CRIM1: variants seen among roughly 807,000 people sequenced by gnomAD.
CRIM1 encodes cysteine-rich motor neuron 1 protein.
Under a neutral mutation model 116.4 loss-of-function variants are expected in CRIM1, and 32 were observed. The observed-to-expected ratio is 0.27, with a 90% confidence interval of 0.21 to 0.37. CRIM1 has a LOEUF of 0.37. CRIM1 is among the 10% of genes least tolerant of loss of function. CRIM1 has a pLI of 1.00. For missense variants in CRIM1, 1,331 were observed against 1,354.8 expected (o/e 0.98, Z 0.28); for synonymous variants, 590 against 509.2 (o/e 1.16, Z -2.13).
intron 2 of CRIM1, among the ~76,000 whole-genome samples, chr2:36,413,007 T>C (rs1673326000): frequency 6.6e-6 from 1 of 152,164 alleles, no homozygotes; most frequent in South Asian, 2.1e-4. Context: ...TTACAACACC[T>C]AGACACATTG....
intron 16 of CRIM1, among the ~76,000 whole-genome samples, chr2:36,547,928 T>C (rs758948656): frequency 8.5e-5 from 13 of 152,218 alleles, no homozygotes; most frequent in South Asian, 2.1e-4. Context: ...TGAACAATTA[T>C]GTAATGTAAT....
intron 1 of CRIM1, among the ~76,000 whole-genome samples, chr2:36,368,081 A>C (rs774337514): frequency 2.6e-5 from 4 of 152,202 alleles, no homozygotes; most frequent in Non-Finnish European, 5.9e-5. Context: ...GCAGCAGCCA[A>C]ATTCTCCACA....
At chr2:36,511,452 T>C (rs1182213852) in intron 9 of CRIM1, among the ~76,000 whole-genome samples, 5 of 152,208 alleles carry the variant, frequency 3.3e-5, no homozygotes, top group African/African-American at 1.2e-4. Flanking sequence ...AAGAATATGA[T>C]GTCAATAAGA....
At position 36,537,558 on chromosome 2, in the gene CRIM1, A is replaced by G. The variant is rs558804198; in HGVS notation, c.2623+12A>G. On this transcript the variant is annotated intron_variant, in intron 14 of 16. Coordinates refer to ENST00000280527, the MANE Select transcript of CRIM1 (RefSeq NM_016441.3). ...CCCAATGTGTCCAGGTATCTAAGCC[A>G]CCATCCTTCCATTTGTCAAGCTGTA... 9 of 1,584,922 alleles carry G rather than the reference A, an allele frequency of 5.7e-6. No homozygotes were observed. In the Admixed American group the frequency reaches 1.4e-4, roughly 25 times the overall value.
Position 36,513,621 on chromosome 2 carries a change from C to G in CRIM1, c.1846C>G (p.His616Asp), listed in dbSNP as rs1216474744. 1 of 1,614,160 alleles carries G rather than the reference C, an allele frequency of 6.2e-7. No homozygotes were observed. The highest frequency in any genetic ancestry group is 8.5e-7 in the Non-Finnish European group (1 of 1,180,022). Residue 616 changes from histidine (H) to aspartate (D), a missense_variant, in exon 11 of 17, where the codon CAT (histidine) becomes GAT (aspartate). Around this residue, in one of 3 missense-constraint regions of CRIM1, gnomAD observed 358 missense variants for 436.1 expected, o/e 0.82. Transcript: ENST00000280527. ...TTGTCTCACCGTGGATGGTCATCAT[C>G]ATAAAAATGAGGAGAGCTGGCACGA... Reference protein sequence around the residue: ...GTCLTVDGHHHKNEESWHDGC... With the variant: ...GTCLTVDGHHDKNEESWHDGC...
intron 2 of CRIM1, among the ~76,000 whole-genome samples, chr2:36,414,815 G>A (rs1202034381): frequency 3.3e-5 from 5 of 152,204 alleles, no homozygotes; most frequent in Admixed American, 3.3e-4. Context: ...AGAAGAGGAA[G>A]CTGGAGAGGC....
chr2:36,444,633 A>T (rs565770235), intron 4 of CRIM1, among the ~76,000 whole-genome samples: 1 of 152,250 alleles, frequency 6.6e-6, no homozygotes, highest in Non-Finnish European at 1.5e-5. Flanking sequence ...GAAGGAAGTC[A>T]TTCAACATCC....
At chr2:36,436,665 T>C (rs963784615) in intron 2 of CRIM1, among the ~76,000 whole-genome samples, 4 of 152,172 alleles carry the variant, frequency 2.6e-5, no homozygotes, top group Non-Finnish European at 5.9e-5. Flanking sequence ...TATGTTCTTT[T>C]CAAATACCCA....
Position 36,423,738 on chromosome 2 carries a change from T to C in CRIM1, c.506-17520T>C, listed in dbSNP as rs528307969. Among the ~76,000 whole-genome samples, 7 of 152,332 alleles carry C rather than the reference T, an allele frequency of 4.6e-5. No homozygotes were observed. The South Asian group carries it at 1.2e-3, about 27-fold the overall frequency. On this transcript the variant is annotated intron_variant, in intron 2 of 16. Coordinates refer to ENST00000280527, the MANE Select transcript of CRIM1 (RefSeq NM_016441.3). ...CATGATTTATAAAAAGATCCCAGAA[T>C]CTTTTGTAACTATTTAAAGGTCAGC... is the stretch of plus-strand genomic sequence containing the variant.
chr2:36,541,116 T>C (rs189335757), intron 14 of CRIM1, among the ~76,000 whole-genome samples: 7 of 152,306 alleles, frequency 4.6e-5, no homozygotes, highest in Admixed American at 4.6e-4. Flanking sequence ...GAAGGCTGTA[T>C]TCCTGTCCCA....
At chr2:36,379,720 G>T (rs1670583749) in intron 1 of CRIM1, among the ~76,000 whole-genome samples, 1 of 147,426 alleles carries the variant, frequency 6.8e-6, no homozygotes, top group African/African-American at 2.5e-5. Flanking sequence ...ATTGGTCAGG[G>T]ATTCTATTTC....
At chr2:36,450,385 G>C (rs1218249924) in intron 4 of CRIM1, among the ~76,000 whole-genome samples, 1 of 152,148 alleles carries the variant, frequency 6.6e-6, no homozygotes, top group Non-Finnish European at 1.5e-5. Context: ...GTCTTCAGCT[G>C]CTCCGTATTC....
chr2:36,518,797 C>G (rs1665187650), intron 12 of CRIM1, among the ~76,000 whole-genome samples: 1 of 152,186 alleles, frequency 6.6e-6, no homozygotes, highest in African/African-American at 2.4e-5. Flanking sequence ...AGTGACTTTA[C>G]TTACATCACC....
chr2:36,375,074 A>G (rs183286549), intron 1 of CRIM1, among the ~76,000 whole-genome samples: 1 of 152,166 alleles, frequency 6.6e-6, no homozygotes, highest in Non-Finnish European at 1.5e-5. Flanking sequence ...TAAGTTCTAA[A>G]TGGGTACTAG....
chr2:36,387,599 G>A (rs1036143009), intron 1 of CRIM1, among the ~76,000 whole-genome samples: 11 of 152,174 alleles, frequency 7.2e-5, no homozygotes, highest in Admixed American at 5.9e-4. Flanking sequence ...GTGCCACAAA[G>A]TGCAGCTAGG....
intron 8 of CRIM1, among the ~76,000 whole-genome samples, chr2:36,508,278 T>A (rs1043868209): frequency 6.6e-6 from 1 of 152,206 alleles, no homozygotes; most frequent in South Asian, 2.1e-4. Flanking sequence ...AATCACATTT[T>A]CCTTCTTAAA....
rs1666870516 is a variant in CRIM1 at position 36,540,453 on chromosome 2, TG to T, written c.2623+2908del. On this transcript the variant is annotated intron_variant, in intron 14 of 16. Coordinates refer to ENST00000280527, the MANE Select transcript of CRIM1 (RefSeq NM_016441.3). ...TGAGCTAGATTTTAAAGGACAGATGTGCTGTCTTCATTGGAGTGAAGAGGAT... is the reference window on the plus strand; with the variant it reads ...TGAGCTAGATTTTAAAGGACAGATGTCTGTCTTCATTGGAGTGAAGAGGAT... Among the ~76,000 whole-genome samples, 4 of 152,160 alleles carry T rather than the reference TG, an allele frequency of 2.6e-5. No homozygotes were observed. In the South Asian group the frequency reaches 8.3e-4, roughly 32 times the overall value.
intron 7 of CRIM1, among the ~76,000 whole-genome samples, chr2:36,494,731 C>T (rs556812214): frequency 6.6e-6 from 1 of 152,274 alleles, no homozygotes; most frequent in East Asian, 1.9e-4. Flanking sequence ...CTTCTAGGCT[C>T]AGAATATTTT....
chr2:36,496,239 T>C (rs1170378157), intron 7 of CRIM1, among the ~76,000 whole-genome samples: 1 of 152,238 alleles, frequency 6.6e-6, no homozygotes, highest in Admixed American at 6.5e-5. Flanking sequence ...TGTTAAAATG[T>C]CTTCTTAAGA....
Sources: gnomAD v4.1 joint callset for allele counts (sites outside exome capture counted in the v4.1 genomes callset) on GRCh38, gnomAD v4.1.1 for gene constraint, gnomAD v4.1.1 regional missense constraint, MANE v1.5 for transcripts, NCBI Gene and HGNC (gene_info 2026-07-23, HGNC 2026-07-21) for gene names.